The following DIAPH2 variants were observed in gnomAD, a reference collection of about 807,000 sequenced individuals.
DIAPH2 encodes protein diaphanous homolog 2.
In DIAPH2, 35 loss-of-function variants were observed where a neutral mutation model predicts 92.7. The ratio of observed to expected loss-of-function variants is 0.38; its 90% CI spans 0.29 to 0.50. The LOEUF (loss-of-function observed/expected upper bound fraction) is 0.50. Among genes scored for constraint, DIAPH2 ranks in the 20% least tolerant of loss-of-function variants. The pLI, the probability that DIAPH2 is intolerant of heterozygous loss-of-function variation, is 0.94. For synonymous variants in DIAPH2, 301 were observed against 280.4 expected, an observed-to-expected ratio of 1.07 and a Z score of -0.73; for missense variants, 701 against 819.5, an observed-to-expected ratio of 0.86 and a Z score of 1.77.
intron 26 of DIAPH2, among the ~76,000 whole-genome samples, chrX:97,548,376 G>T (rs2071196682): frequency 8.9e-6 from 1 of 111,918 alleles, no homozygotes; most frequent in Non-Finnish European, 1.9e-5. Flanking sequence ...CTCTTCTGCG[G>T]CTCTTTGTTG....
In DIAPH2 at chrX:97,482,537, C is replaced by A. The variant is rs968135313; in HGVS notation, c.3241+52792C>A. 4.5e-5 allele frequency among the ~76,000 whole-genome samples: 5 copies of A among 110,806 alleles called. No individual in the cohort carries two copies. In the East Asian group the frequency reaches 1.4e-3, roughly 31 times the overall value. On this transcript the variant is annotated intron_variant, in intron 26 of 26. Coordinates refer to ENST00000324765, the MANE Select transcript of DIAPH2 (RefSeq NM_006729.5). ...TTTGATACAATGCAGCTGCCAACAG[C>A]AGGGGGGAGAATTTGGCCAAATGGC...
chrX:97,434,409 C>CTTT (rs1168006514), intron 26 of DIAPH2, among the ~76,000 whole-genome samples: 2 of 93,835 alleles, frequency 2.1e-5, no homozygotes, highest in African/African-American at 3.9e-5. Flanking sequence ...GGTTACTAAA[C>CTTT]TTTTTTTTTT....
At chrX:97,447,615 G>A (rs1021042880) in intron 26 of DIAPH2, among the ~76,000 whole-genome samples, 8 of 111,409 alleles carry the variant, frequency 7.2e-5, no homozygotes, top group African/African-American at 2.3e-4. Context: ...TACTGTCATG[G>A]TAACCTCACC....
chrX:97,195,478 TGGTG>T (rs765417828), intron 22 of DIAPH2, among the ~76,000 whole-genome samples: 47 of 110,061 alleles, frequency 4.3e-4, no homozygotes, highest in Non-Finnish European at 7.6e-4. Context: ...CTGGCCAACA[TGGTG>T]AAACCCCGTC....
intron 2 of DIAPH2, among the ~76,000 whole-genome samples, chrX:96,737,111 A>G (rs1252238103): frequency 8.9e-6 from 1 of 111,967 alleles, no homozygotes; most frequent in Non-Finnish European, 1.9e-5. Flanking sequence ...GAAGACTGGG[A>G]TAGGAACCAG....
intron 26 of DIAPH2, among the ~76,000 whole-genome samples, chrX:97,593,818 C>T (rs2071533151): frequency 9.0e-6 from 1 of 111,492 alleles, no homozygotes. Flanking sequence ...GGGCAAAAGA[C>T]ATGATCAGTA....
chrX:96,819,105 G>A (rs1034935912), intron 4 of DIAPH2, among the ~76,000 whole-genome samples: 4 of 112,212 alleles, frequency 3.6e-5, no homozygotes, highest in Non-Finnish European at 7.5e-5. Flanking sequence ...CTGCTGTGAG[G>A]TATGGTTCCT....
At chrX:96,748,833 G>A (rs2064166696) in intron 3 of DIAPH2, among the ~76,000 whole-genome samples, 1 of 111,146 alleles carries the variant, frequency 9.0e-6, no homozygotes, top group African/African-American at 3.3e-5. Flanking sequence ...ATATCCTGCT[G>A]ACTAAGAATG....
At chrX:96,773,158 A>G (rs1449152229) in intron 4 of DIAPH2, among the ~76,000 whole-genome samples, 2 of 110,448 alleles carry the variant, frequency 1.8e-5, no homozygotes, top group Non-Finnish European at 3.8e-5. Flanking sequence ...CTCTTCCCCA[A>G]AATTATTTCA....
intron 23 of DIAPH2, among the ~76,000 whole-genome samples, chrX:97,324,888 C>T (rs901132443): frequency 9.8e-4 from 109 of 111,187 alleles, no homozygotes; most frequent in Non-Finnish European, 7.5e-4. Context: ...GCAACATCCA[C>T]CTCCTGGTTC....
intron 26 of DIAPH2, among the ~76,000 whole-genome samples, chrX:97,498,393 G>T (rs1033734335): frequency 1.8e-5 from 2 of 111,248 alleles, no homozygotes; most frequent in East Asian, 2.8e-4. Context: ...GAAAAATTTG[G>T]TTTGTTTGGT....
intron 17 of DIAPH2, among the ~76,000 whole-genome samples, chrX:97,048,355 T>C (rs1356200806): frequency 9.0e-6 from 1 of 111,411 alleles, no homozygotes; most frequent in Non-Finnish European, 1.9e-5. Context: ...ATCTCCTTTT[T>C]AGAAACATAG....
intron 17 of DIAPH2, among the ~76,000 whole-genome samples, chrX:97,052,415 A>T (rs913958623): frequency 9.0e-6 from 1 of 111,018 alleles, no homozygotes; most frequent in Non-Finnish European, 1.9e-5. Flanking sequence ...AAGCAGGGGT[A>T]CCTTTAGGGG....
chrX:97,539,140 C>T (rs780427947), intron 26 of DIAPH2, among the ~76,000 whole-genome samples: 46 of 110,850 alleles, frequency 4.1e-4, no homozygotes, highest in Non-Finnish European at 8.1e-4. Flanking sequence ...TATAGCTTAC[C>T]CTCCCACAAA....
In DIAPH2 at chrX:97,154,362, A is replaced by G. The variant is rs190360117; in HGVS notation, c.2719+12568A>G. The stretch of plus-strand genomic sequence containing the variant: ...ACAATAATATCAAAAACATAATTCA[A>G]AAGGATATAAAATATGAAAATTTTA... On this transcript the variant is annotated intron_variant, in intron 22 of 26. Coordinates refer to ENST00000324765, the MANE Select transcript of DIAPH2 (RefSeq NM_006729.5). 1.4e-3 allele frequency among the ~76,000 whole-genome samples: 160 copies of G among 111,888 alleles called. 1 individual carries two copies. Among genetic ancestry groups the G allele is most frequent in the African/African-American group, 4.9e-3 (152 of 30,852 alleles).
At chrX:96,984,195 T>C (rs762648091) in intron 17 of DIAPH2, among the ~76,000 whole-genome samples, 1 of 112,101 alleles carries the variant, frequency 8.9e-6, no homozygotes, top group African/African-American at 3.2e-5. Flanking sequence ...ATATTATTTT[T>C]GTATTTTAGT....
chrX:96,881,531 A>AT, intron 4 of DIAPH2, 48 bp from the exon 5 acceptor site: 18 of 1,116,331 alleles, frequency 1.6e-5, no homozygotes, highest in Admixed American at 8.4e-5. Context: ...TTTTACTTAA[A>AT]TTTTTTTTGA....
At chrX:97,266,192 G>C (rs754373436) in intron 23 of DIAPH2, among the ~76,000 whole-genome samples, 9 of 111,996 alleles carry the variant, frequency 8.0e-5, no homozygotes, top group African/African-American at 2.9e-4. Context: ...CAGAAACTGT[G>C]TCAGATGCTA....
At position 96,738,465 on chromosome X, in the gene DIAPH2, T is replaced by C. The variant is rs952990023; in HGVS notation, c.166-121T>C. ...TGGAGCTTGCTGCTTAAAATAGTAT[T>C]TTGTCAGAAGACAATAATGATATGT... On this transcript the variant is annotated intron_variant, in intron 2 of 26. Coordinates refer to ENST00000324765, the MANE Select transcript of DIAPH2 (RefSeq NM_006729.5). The C allele has an allele frequency of 4.7e-5, 25 of 531,726 alleles. No homozygotes were observed. In the South Asian group the frequency reaches 1.2e-3, roughly 25 times the overall value. The allele number at this position is 531,726 out of a possible 1,213,427, so 43.8% of individuals were successfully genotyped here. A position where few individuals can be genotyped will look rare whatever the true frequency, so the allele number is the denominator to read the frequency against.
Sources: gnomAD v4.1 joint callset for allele counts (sites outside exome capture counted in the v4.1 genomes callset) on GRCh38, gnomAD v4.1.1 for gene constraint, MANE v1.5 for transcripts, NCBI Gene and HGNC (gene_info 2026-07-23, HGNC 2026-07-21) for gene names.